PRSS12: variants seen among roughly 807,000 people sequenced by gnomAD.
PRSS12 encodes the protein serine protease 12.
A neutral mutation model predicts 104.4 loss-of-function variants in PRSS12; 85 were observed. That is an observed-to-expected ratio of 0.81 (90% CI 0.68 to 0.98). PRSS12 has a LOEUF of 0.98. Ranked by LOEUF, PRSS12 falls within the 50% of genes least tolerant of loss-of-function variation. The pLI, the probability that PRSS12 is intolerant of heterozygous loss-of-function variation, is 0.00. For missense variants in PRSS12, 1,141 were observed against 1,139.2 expected (o/e 1.00, Z -0.02); for synonymous variants, 454 against 425.2 (o/e 1.07, Z -0.83).
chr4:118,313,198 CACCCA>C lies in PRSS12; in HGVS notation c.1487_1489+2del. 6.2e-7 allele frequency: 1 copy of C among 1,612,818 alleles called. No individual in the cohort carries two copies. The highest frequency in any genetic ancestry group is 8.5e-7 in the Non-Finnish European group (1 of 1,179,798). On this transcript the variant is annotated splice_donor_variant and coding_sequence_variant, in exon 7 of 13. Transcript: ENST00000296498. LOFTEE classifies it high-confidence loss of function. Reference sequence around the variant, plus strand: ...AAACTTGAGAGCTGCAGCCAGTCCTCACCCAGAGAGAGCCTGTGTCCCTCGCCGCC... The same window carrying C: ...AAACTTGAGAGCTGCAGCCAGTCCTCGAGAGAGCCTGTGTCCCTCGCCGCC...
Position 118,334,479 on chromosome 4 carries a change from C to T in PRSS12, c.820+994G>A, listed in dbSNP as rs149839085. On this transcript the variant is annotated intron_variant, in intron 3 of 12. Transcript: ENST00000296498. Reference sequence around the variant, plus strand: ...GCAGCATTGGATTTAGCAAAAGTAGCATTACCCAAAGGTAGAGAACCAAAA... The same window carrying T: ...GCAGCATTGGATTTAGCAAAAGTAGTATTACCCAAAGGTAGAGAACCAAAA... 8.5e-5 allele frequency among the ~76,000 whole-genome samples: 13 copies of T among 152,114 alleles called. No individual in the cohort carries two copies. The East Asian group carries it at 2.5e-3, about 29-fold the overall frequency.
chr4:118,304,571 G>A (rs918648505), intron 8 of PRSS12, among the ~76,000 whole-genome samples: 2 of 151,720 alleles, frequency 1.3e-5, no homozygotes, highest in African/African-American at 4.8e-5. Flanking sequence ...TAACAAACAT[G>A]TTCAAAAACA....
intron 4 of PRSS12, among the ~76,000 whole-genome samples, chr4:118,322,375 C>G (rs1454394231): frequency 6.6e-6 from 1 of 151,890 alleles, no homozygotes; most frequent in South Asian, 2.1e-4. Context: ...TGTAGTGAAA[C>G]CCTATCTCTA....
chr4:118,350,608 A>G (rs1010122348), intron 1 of PRSS12, among the ~76,000 whole-genome samples: 1 of 152,048 alleles, frequency 6.6e-6, no homozygotes, highest in Admixed American at 6.6e-5. Flanking sequence ...AGTATTTGGG[A>G]TTTTGTCTGG....
intron 8 of PRSS12, among the ~76,000 whole-genome samples, chr4:118,305,125 A>ACT: frequency 6.7e-6 from 1 of 149,852 alleles, no homozygotes; most frequent in Admixed American, 6.6e-5. Context: ...ATATATACAC[A>ACT]CACACACACA....
intron 4 of PRSS12, among the ~76,000 whole-genome samples, chr4:118,325,877 A>G (rs942817565): frequency 2.7e-5 from 4 of 149,938 alleles, no homozygotes; most frequent in Non-Finnish European, 6.0e-5. Flanking sequence ...ACCCTGAATT[A>G]TTTTCTGTGT....
intron 1 of PRSS12, among the ~76,000 whole-genome samples, chr4:118,341,588 A>T (rs1724210104): frequency 6.6e-6 from 1 of 152,144 alleles, no homozygotes; most frequent in Admixed American, 6.5e-5. Context: ...AGGCTGAAGC[A>T]GGAGAATCAC....
At chr4:118,319,904 G>A (rs1191817370) in intron 4 of PRSS12, among the ~76,000 whole-genome samples, 1 of 152,058 alleles carries the variant, frequency 6.6e-6, no homozygotes, top group Non-Finnish European at 1.5e-5. Context: ...TTGAACTCCT[G>A]CACTCAAGCA....
intron 11 of PRSS12, among the ~76,000 whole-genome samples, chr4:118,285,831 G>A (rs542445637): frequency 6.6e-6 from 1 of 150,738 alleles, no homozygotes; most frequent in South Asian, 2.1e-4. Context: ...CTTTTTTTGA[G>A]ACAAGATTTC....
At chr4:118,339,556 C>T (rs1343738861) in intron 1 of PRSS12, among the ~76,000 whole-genome samples, 3 of 152,110 alleles carry the variant, frequency 2.0e-5, no homozygotes, top group Admixed American at 1.3e-4. Flanking sequence ...AAACAAAAGG[C>T]AATAATAAAT....
intron 1 of PRSS12, among the ~76,000 whole-genome samples, chr4:118,342,664 G>T (rs1278618031): frequency 6.6e-6 from 1 of 152,176 alleles, no homozygotes; most frequent in East Asian, 1.9e-4. Flanking sequence ...ATGTCATGCA[G>T]TGGAGGCCCC....
intron 10 of PRSS12, 96 bp downstream of exon 10, chr4:118,295,682 C>T: frequency 8.8e-7 from 1 of 1,132,898 alleles, no homozygotes; most frequent in South Asian, 1.3e-5. Flanking sequence ...AAAATGAGTA[C>T]AAGTCCCTTA....
intron 8 of PRSS12, chr4:118,306,046 A>G (rs968863745): frequency 2.6e-5 from 4 of 152,286 alleles, no homozygotes; most frequent in Admixed American, 2.6e-4. Flanking sequence ...TGACATCCTA[A>G]TTTCAATTAT....
At position 118,335,665 on chromosome 4, in the gene PRSS12, G is replaced by A. The variant is rs779905728; in HGVS notation, c.642-14C>T. The A allele has an allele frequency of 3.7e-6, 6 of 1,612,734 alleles. No homozygotes were observed. Among genetic ancestry groups the A allele is most frequent in the South Asian group, 1.1e-5 (1 of 91,018 alleles). Reference sequence around the variant, plus strand: ...ATTCCTTTTCCTCTGGAAGTACAATGAGCGATATTAGGTTTATCAAATGTA... The same window carrying A: ...ATTCCTTTTCCTCTGGAAGTACAATAAGCGATATTAGGTTTATCAAATGTA... On this transcript the variant is annotated splice_polypyrimidine_tract_variant and intron_variant, in intron 2 of 12. Coordinates refer to ENST00000296498, the MANE Select transcript of PRSS12 (RefSeq NM_003619.4).
chr4:118,311,199 A>T (rs1405951651), intron 7 of PRSS12, among the ~76,000 whole-genome samples: 1 of 152,152 alleles, frequency 6.6e-6, no homozygotes, highest in Non-Finnish European at 1.5e-5. Flanking sequence ...CGAGAAATCC[A>T]TATTTTTACC....
At chr4:118,338,368 T>C (rs1050150130) in intron 1 of PRSS12, 54 bp from the exon 2 acceptor site, 2 of 1,603,624 alleles carry the variant, frequency 1.2e-6, no homozygotes, top group Admixed American at 3.3e-5. Flanking sequence ...CATTTGAACA[T>C]ATTGAGCCAG....
intron 1 of PRSS12, among the ~76,000 whole-genome samples, chr4:118,344,788 T>G (rs920884896): frequency 1.3e-5 from 2 of 152,168 alleles, no homozygotes; most frequent in African/African-American, 4.8e-5. Context: ...TTTAAAACAT[T>G]ATATGATATC....
chr4:118,320,012 G>A (rs575130916), intron 4 of PRSS12, among the ~76,000 whole-genome samples: 10 of 152,152 alleles, frequency 6.6e-5, no homozygotes, highest in South Asian at 4.1e-4. Context: ...TCTCTTTACT[G>A]AAGTTTATTT....
At position 118,352,452 on chromosome 4, in the gene PRSS12, G is replaced by A. The variant is rs1724537902; in HGVS notation, c.269C>T (p.Pro90Leu). The A allele has an allele frequency of 3.5e-6, 5 of 1,433,816 alleles. No individual in the cohort carries two copies. Among genetic ancestry groups the A allele is most frequent in the Middle Eastern group, 2.1e-4 (1 of 4,656 alleles). The allele number at this position is 1,433,816 out of a possible 1,614,324, so 88.8% of individuals were successfully genotyped here. Residue 90 changes from proline to leucine, a missense_variant, in exon 1 of 13, where the codon CCC (proline) becomes CTC (leucine). Pro to Leu is a moderately conservative substitution (Grantham distance 98). Coordinates refer to ENST00000296498, the MANE Select transcript of PRSS12 (RefSeq NM_003619.4). Reference protein sequence around the residue: ...LQAGHTPRPHPWGCPAGEPWV... With the variant: ...LQAGHTPRPHLWGCPAGEPWV... ...TGGCTCGCCGGCGGGGCAGCCCCAG[G>A]GGTGCGGCCGGGGCGTGTGCCCGGC...
Sources: gnomAD v4.1 joint callset for allele counts (sites outside exome capture counted in the v4.1 genomes callset) on GRCh38, gnomAD v4.1.1 for gene constraint, MANE v1.5 for transcripts, NCBI Gene and HGNC (gene_info 2026-07-23, HGNC 2026-07-21) for gene names.